The following UGT2B15 variants were observed in gnomAD, a reference collection of about 807,000 sequenced individuals.
The protein encoded by UGT2B15 is UDP-glucuronosyltransferase 2B15.
UGT2B15 carries 36 observed loss-of-function variants against 45.9 expected under a neutral mutation model. That is an observed-to-expected ratio of 0.78 (90% CI 0.60 to 1.04). The LOEUF is 1.04. Ranked by LOEUF, UGT2B15 falls within the 50% of genes least tolerant of loss-of-function variation. The pLI, the probability that UGT2B15 is intolerant of heterozygous loss-of-function variation, is 0.00. For synonymous variants in UGT2B15, 219 were observed against 216.4 expected (o/e 1.01, Z -0.11); for missense variants, 617 against 622.4 (o/e 0.99, Z 0.09).
In UGT2B15 at chr4:68,647,168, GT is replaced by G. The variant is rs1732502196; in HGVS notation, c.1528del (p.Thr510GlnfsTer32). On this transcript the variant is annotated frameshift_variant, in exon 6 of 6. Transcript: ENST00000338206. LOFTEE classifies it low-confidence loss of function (END_TRUNC). ...ACVATVIFIITKFCLFCFRKL... is the reference protein window; with the variant it reads ...ACVATVIFIIXKFCLFCFRKL... The stretch of plus-strand genomic sequence containing the variant: ...TCGGAAACAAAACAGGCAAAATTTT[GT>G]GATGATAAATATCACAGTTGCCACG... 1 of 1,613,622 alleles carries G rather than the reference GT, an allele frequency of 6.2e-7. No homozygotes were observed. The highest frequency in any genetic ancestry group is 8.5e-7 in the Non-Finnish European group (1 of 1,179,848).
chr4:68,665,577 G>A (rs539265131), intron 2 of UGT2B15, among the ~76,000 whole-genome samples: 1 of 152,134 alleles, frequency 6.6e-6, no homozygotes, highest in East Asian at 1.9e-4. Flanking sequence ...ATGCCTATAT[G>A]CATTTTTCAA....
intron 5 of UGT2B15, among the ~76,000 whole-genome samples, chr4:68,651,887 A>C (rs1732666316): frequency 1.3e-5 from 2 of 152,018 alleles, no homozygotes; most frequent in African/African-American, 4.8e-5. Context: ...AATTTAAAGT[A>C]GTTTTTTTCT....
chr4:68,647,397 A>G lies in UGT2B15; in HGVS notation c.1314-14T>C, dbSNP rs4148268. Reference sequence around the variant, plus strand: ...TTCTCTTTATAGCTGAAGGATAAATATAAAGATATCAACATTAAAAGTAAA... The same window carrying G: ...TTCTCTTTATAGCTGAAGGATAAATGTAAAGATATCAACATTAAAAGTAAA... On this transcript the variant is annotated splice_polypyrimidine_tract_variant and intron_variant, in intron 5 of 5. Transcript: ENST00000338206. 17,052 of 1,603,644 alleles carry G rather than the reference A, an allele frequency of 0.011. 358 individuals carry two copies. Among genetic ancestry groups the G allele is most frequent in the Admixed American group, 0.062 (3,668 of 58,698 alleles).
At chr4:68,669,120 T>A (rs4148259) in intron 1 of UGT2B15, among the ~76,000 whole-genome samples, 2 of 150,542 alleles carry the variant, frequency 1.3e-5, no homozygotes, top group African/African-American at 2.4e-5. Flanking sequence ...TTGGTTCATC[T>A]TAAGATCTTA....
In UGT2B15 at chr4:68,670,038, T is replaced by A. The variant is rs775211880; in HGVS notation, c.581A>T (p.Tyr194Phe). Residue 194 changes from tyrosine to phenylalanine, a missense_variant, in exon 1 of 6, where the codon TAT becomes TTT. Tyr to Phe is a conservative substitution (Grantham distance 22, BLOSUM62 3). Coordinates refer to ENST00000338206, the MANE Select transcript of UGT2B15 (RefSeq NM_001076.4). Reference sequence around the variant, plus strand: ...TAATTCTGACATAACAACAGGTACATAGGAAGGAGGGAACAGAAATCCTCC... The same window carrying A: ...TAATTCTGACATAACAACAGGTACAAAGGAAGGAGGGAACAGAAATCCTCC... ...NGGGFLFPPS[Y>F]VPVVMSELSD... 1 of 1,613,932 alleles carries A rather than the reference T, an allele frequency of 6.2e-7. No homozygotes were observed. Among genetic ancestry groups the A allele is most frequent in the East Asian group, 2.2e-5 (1 of 44,880 alleles).
At chr4:68,668,374 T>C (rs1445378632) in intron 1 of UGT2B15, among the ~76,000 whole-genome samples, 186 bp from the exon 2 acceptor site, 1 of 152,180 alleles carries the variant, frequency 6.6e-6, no homozygotes, top group Non-Finnish European at 1.5e-5. Context: ...TTATTGCATA[T>C]GTTGCTCATA....
Position 68,666,920 on chromosome 4 carries a change from T to C in UGT2B15, c.873+1120A>G, listed in dbSNP as rs4694746. On this transcript the variant is annotated intron_variant, in intron 2 of 5. Coordinates refer to ENST00000338206, the MANE Select transcript of UGT2B15 (RefSeq NM_001076.4). Reference sequence around the variant, plus strand: ...TGCCAACATGCCTGGCTAACTTTTGTATTTTTAGTAGAGACGGGGTTTCAC... The same window carrying C: ...TGCCAACATGCCTGGCTAACTTTTGCATTTTTAGTAGAGACGGGGTTTCAC... Among the ~76,000 whole-genome samples the C allele has an allele frequency of 7.5e-3, 1,140 of 151,212 alleles. 8 individuals are homozygous for C. Among genetic ancestry groups the C allele is most frequent in the African/African-American group, 0.026 (1,058 of 41,178 alleles).
At chr4:68,667,196 T>G (rs1314688099) in intron 2 of UGT2B15, among the ~76,000 whole-genome samples, 3 of 151,758 alleles carry the variant, frequency 2.0e-5, no homozygotes, top group Non-Finnish European at 2.9e-5. Context: ...AGAGTCTCGC[T>G]CTGTCGCACA....
Position 68,670,482 on chromosome 4 carries a change from A to G in UGT2B15, c.137T>C (p.Leu46Pro). 1 of 1,614,062 alleles carries G rather than the reference A, an allele frequency of 6.2e-7. No homozygotes were observed. Among genetic ancestry groups the G allele is most frequent in the South Asian group, 1.1e-5 (1 of 91,064 alleles). ...AGTCACCTCATGACCCCTCTGAACA[A>G]GCTCTTCCAGGATTGTCTTCATATT... The part of the protein sequence containing the change: ...WINMKTILEE[L>P]VQRGHEVTVL... The change falls in exon 1 of 6, where the codon CTT becomes CCT. Residue 46 changes from leucine to proline, a missense_variant. Physicochemically the swap from Leu to Pro is moderately conservative, Grantham distance 98 (BLOSUM62 -3). Transcript: ENST00000338206.
Position 68,646,956 on chromosome 4 carries a change from C to G in UGT2B15, c.*148G>C. On this transcript the variant is annotated 3_prime_UTR_variant, in exon 6 of 6. Transcript: ENST00000338206. The stretch of plus-strand genomic sequence containing the variant: ...ATTCAGCTAAAGTACGTATTAAATC[C>G]CTGGAAAATAAATTTTGTCTTAACA... 8.2e-7 allele frequency: 1 copy of G among 1,217,626 alleles called. No homozygotes were observed. The highest frequency in any genetic ancestry group is 1.1e-6 in the Non-Finnish European group (1 of 875,318). The allele number at this position is 1,217,626 out of a possible 1,614,324, so 75.4% of individuals were successfully genotyped here.
At chr4:68,659,288 T>C (rs1473673224) in intron 3 of UGT2B15, among the ~76,000 whole-genome samples, 2 of 151,972 alleles carry the variant, frequency 1.3e-5, no homozygotes, top group Non-Finnish European at 2.9e-5. Flanking sequence ...TGATATTAAG[T>C]GTTTTAAACC....
chr4:68,654,013 T>C lies in UGT2B15; in HGVS notation c.1313+24A>G, dbSNP rs1172402128. On this transcript the variant is annotated intron_variant, in intron 5 of 5. Transcript: ENST00000338206. ...GACAAAATAATTTATAAATACCACC[T>C]GGTCACAAAACTGTAATACTCACAC... The C allele has an allele frequency of 1.9e-6, 3 of 1,604,264 alleles. No individual in the cohort carries two copies. The East Asian group carries it at 6.7e-5, about 36-fold the overall frequency.
intron 3 of UGT2B15, among the ~76,000 whole-genome samples, chr4:68,655,599 A>G (rs1732780589): frequency 6.6e-6 from 1 of 151,996 alleles, no homozygotes. Context: ...CTAATCAGAA[A>G]CTCAAAGGAA....
intron 2 of UGT2B15, among the ~76,000 whole-genome samples, chr4:68,664,274 A>AAAG (rs1733053601): frequency 6.6e-6 from 1 of 151,290 alleles, no homozygotes; most frequent in Non-Finnish European, 1.5e-5. Flanking sequence ...ACCAAAAAAA[A>AAAG]AAAAAGAGAG....
rs188511752 is a variant in UGT2B15 at position 68,667,398 on chromosome 4, A to C, written c.873+642T>G. 1.6e-3 allele frequency among the ~76,000 whole-genome samples: 241 copies of C among 151,682 alleles called. 1 individual carries two copies. Among genetic ancestry groups the C allele is most frequent in the African/African-American group, 5.6e-3 (230 of 41,326 alleles). On this transcript the variant is annotated intron_variant, in intron 2 of 5. Coordinates refer to ENST00000338206, the MANE Select transcript of UGT2B15 (RefSeq NM_001076.4). ...ACCACGTTTCCCAGGCTGGTCTCAA[A>C]CTCCTGAGCCCAAGCAATCATGCCT...
In UGT2B15 at chr4:68,668,099, A is replaced by C; in HGVS notation, c.814T>G (p.Leu272Val). ...YWDFEFPRPF[L>V]PNVDFVGGLH... ...CCTCCAACAAAATCAACATTTGGTA[A>C]GAATGGGCGAGGAAATTCAAAATCC... The change falls in exon 2 of 6, where the codon TTA becomes GTA. Residue 272 changes from leucine (L) to valine (V), a missense_variant. Physicochemically the swap from Leu to Val is conservative, Grantham distance 32. Around this residue, in one of 3 missense-constraint regions of UGT2B15, gnomAD observed 351 missense variants for 342.1 expected, o/e 1.03. Transcript: ENST00000338206. 6.2e-7 allele frequency: 1 copy of C among 1,614,038 alleles called. No individual in the cohort carries two copies. The highest frequency in any genetic ancestry group is 2.2e-5 in the East Asian group (1 of 44,852).
In UGT2B15 at chr4:68,670,629, T is replaced by C. The variant is rs747131905; in HGVS notation, c.-11A>G. ...CCATTTCAGAGACATCCTGGTCTTATGCAATGCTTCTTTTCCAGTTGTTGT... is the reference window on the plus strand; with the variant it reads ...CCATTTCAGAGACATCCTGGTCTTACGCAATGCTTCTTTTCCAGTTGTTGT... On this transcript the variant is annotated 5_prime_UTR_variant, in exon 1 of 6. Coordinates refer to ENST00000338206, the MANE Select transcript of UGT2B15 (RefSeq NM_001076.4). 1.4e-5 allele frequency: 21 copies of C among 1,544,238 alleles called. No homozygotes were observed. The highest frequency in any genetic ancestry group is 1.4e-4 in the Admixed American group (6 of 44,342).
intron 5 of UGT2B15, among the ~76,000 whole-genome samples, chr4:68,652,808 T>C (rs1405507289): frequency 1.3e-5 from 2 of 151,900 alleles, no homozygotes; most frequent in Middle Eastern, 3.2e-3. Context: ...TATAAATAAT[T>C]CTTATGAATC....
In UGT2B15 at chr4:68,670,647, G is replaced by C; in HGVS notation, c.-29C>G. The stretch of plus-strand genomic sequence containing the variant: ...GGTCTTATGCAATGCTTCTTTTCCA[G>C]TTGTTGTTTCTTTCTGTCATTTCTC... On this transcript the variant is annotated 5_prime_UTR_variant, in exon 1 of 6. Coordinates refer to ENST00000338206, the MANE Select transcript of UGT2B15 (RefSeq NM_001076.4). 2 of 1,523,138 alleles carry C rather than the reference G, an allele frequency of 1.3e-6. No homozygotes were observed. 94.4% of individuals were successfully genotyped at this position (1,523,138 alleles called of 1,614,324 possible).
Sources: gnomAD v4.1 joint callset for allele counts (sites outside exome capture counted in the v4.1 genomes callset) on GRCh38, gnomAD v4.1.1 for gene constraint, gnomAD v4.1.1 regional missense constraint, MANE v1.5 for transcripts, NCBI Gene and HGNC (gene_info 2026-07-23, HGNC 2026-07-21) for gene names.